Variants in ESRP1 observed in about 807,000 individuals in gnomAD.
The protein encoded by ESRP1 is RNA-binding motif protein 35A.
ESRP1 carries 33 observed loss-of-function variants against 81.7 expected under a neutral mutation model. That is an observed-to-expected ratio of 0.40 (90% CI 0.31 to 0.54). ESRP1 has a LOEUF of 0.54. Among genes scored for constraint, ESRP1 ranks in the 20% least tolerant of loss-of-function variants. ESRP1 has a pLI of 0.41. For missense variants in ESRP1, 672 were observed against 833.1 expected, an observed-to-expected ratio of 0.81 and a Z score of 2.38; for synonymous variants, 320 against 303.3, an observed-to-expected ratio of 1.06 and a Z score of -0.57.
intron 9 of ESRP1, 118 bp from the exon 10 acceptor site, chr8:94,667,831 G>C: frequency 1.3e-6 from 1 of 742,778 alleles, no homozygotes; most frequent in East Asian, 2.8e-5. Flanking sequence ...GCGTTCAGTA[G>C]GAGTATGGGT....
intron 4 of ESRP1, 162 bp downstream of exon 4, chr8:94,646,444 T>C (rs1318125753): frequency 1.9e-6 from 1 of 521,734 alleles, no homozygotes; most frequent in Non-Finnish European, 3.4e-6. Context: ...ATTATAGACA[T>C]CTTTGAAAGT....
At position 94,689,249 on chromosome 8, in the gene ESRP1, C is replaced by CAAAA. The variant is rs56220336; in HGVS notation, c.1821-3406_1821-3403dup. ...CTGGGTGATAGCGAGACTCAGTCTC[C>CAAAA]AAAAAAAAAAAAAAAAAAAAAAAAA... On this transcript the variant is annotated intron_variant, in intron 13 of 15. Coordinates refer to ENST00000433389, the MANE Select transcript of ESRP1 (RefSeq NM_017697.4). 8.9e-4 allele frequency among the ~76,000 whole-genome samples: 88 copies of CAAAA among 98,824 alleles called. 3 individuals are homozygous for CAAAA. Among genetic ancestry groups the CAAAA allele is most frequent in the African/African-American group, 3.5e-3 (79 of 22,776 alleles). The allele number at this position is 98,824 out of a possible 152,430, so 64.8% of individuals were successfully genotyped here. A position where few individuals can be genotyped will look rare whatever the true frequency, so the allele number is the denominator to read the frequency against.
At chr8:94,680,416 G>C (rs568705975) in intron 13 of ESRP1, among the ~76,000 whole-genome samples, 1 of 152,238 alleles carries the variant, frequency 6.6e-6, no homozygotes, top group African/African-American at 2.4e-5. Context: ...TTATAATTTT[G>C]ATAGAAAAAC....
Position 94,662,380 on chromosome 8 carries a change from G to T in ESRP1, c.589+10G>T, listed in dbSNP as rs140398032. ...ATTTCAGAGCCTTATAGTAAGTATT[G>T]CTTTTATAGTAGTGCAGTCCCAGAA... On this transcript the variant is annotated intron_variant, in intron 5 of 15. Coordinates refer to ENST00000433389, the MANE Select transcript of ESRP1 (RefSeq NM_017697.4). 2,326 of 1,555,592 alleles carry T rather than the reference G, an allele frequency of 1.5e-3. 26 individuals are homozygous for T. The African/African-American group carries it at 0.025, about 17-fold the overall frequency.
At chr8:94,704,220 T>A (rs1327212008) in intron 15 of ESRP1, among the ~76,000 whole-genome samples, 1 of 150,292 alleles carries the variant, frequency 6.7e-6, no homozygotes, top group African/African-American at 2.5e-5. Context: ...TCAGTTTCAT[T>A]GTTAAGCAGT....
At position 94,664,749 on chromosome 8, in the gene ESRP1, C is replaced by A; in HGVS notation, c.697C>A (p.Pro233Thr). Residue 233 changes from proline (P) to threonine (T), a missense_variant, in exon 7 of 16, where the codon CCA becomes ACA. By Grantham distance (38) the Pro-to-Thr change is conservative. Coordinates refer to ENST00000433389, the MANE Select transcript of ESRP1 (RefSeq NM_017697.4). ...DNTVVRARGLPWQSSDQDIAR... is the reference protein window; with the variant it reads ...DNTVVRARGLTWQSSDQDIAR... Reference sequence around the variant, plus strand: ...CACCGTAGTCAGGGCACGAGGTTTACCATGGCAGTCTTCAGATCAAGATAT... The same window carrying A: ...CACCGTAGTCAGGGCACGAGGTTTAACATGGCAGTCTTCAGATCAAGATAT... 6.2e-7 allele frequency: 1 copy of A among 1,613,910 alleles called. No individual in the cohort carries two copies. The highest frequency in any genetic ancestry group is 8.5e-7 in the Non-Finnish European group (1 of 1,179,874).
chr8:94,663,304 G>A (rs890798223), intron 6 of ESRP1, among the ~76,000 whole-genome samples: 28 of 151,976 alleles, frequency 1.8e-4, no homozygotes, highest in African/African-American at 6.8e-4. Context: ...GGAATATCGC[G>A]GTGTGATCTC....
chr8:94,675,767 G>C (rs1332250333), intron 12 of ESRP1, among the ~76,000 whole-genome samples: 1 of 152,130 alleles, frequency 6.6e-6, no homozygotes, highest in Non-Finnish European at 1.5e-5. Context: ...GGTCATTACA[G>C]ATTTTTCCTC....
chr8:94,701,396 T>C (rs566921902), intron 15 of ESRP1, among the ~76,000 whole-genome samples: 2 of 152,252 alleles, frequency 1.3e-5, no homozygotes, highest in South Asian at 4.1e-4. Flanking sequence ...TCTCTTGCCT[T>C]GTCCCATCAA....
intron 15 of ESRP1, among the ~76,000 whole-genome samples, chr8:94,705,053 G>T (rs1203499578): frequency 6.6e-6 from 1 of 151,638 alleles, no homozygotes; most frequent in Non-Finnish European, 1.5e-5. Context: ...GGTTGTATGT[G>T]GGGATGAAAT....
intron 3 of ESRP1, 55 bp downstream of exon 3, chr8:94,643,471 GT>G: frequency 8.0e-7 from 1 of 1,249,968 alleles, no homozygotes; most frequent in Non-Finnish European, 1.2e-6. Context: ...GTGACTGGAG[GT>G]TTTTAAAAAT....
chr8:94,662,104 TG>T (rs1227641949), intron 4 of ESRP1, among the ~76,000 whole-genome samples, 167 bp from the exon 5 acceptor site: 4 of 152,246 alleles, frequency 2.6e-5, no homozygotes, highest in Non-Finnish European at 2.9e-5. Context: ...AAAGGGCAGT[TG>T]GAGCCTAAGT....
intron 15 of ESRP1, among the ~76,000 whole-genome samples, chr8:94,699,981 T>C (rs1586266463): frequency 6.6e-6 from 1 of 152,148 alleles, no homozygotes; most frequent in Non-Finnish European, 1.5e-5. Context: ...TAAGTACTTA[T>C]ATCCACAGTT....
intron 4 of ESRP1, among the ~76,000 whole-genome samples, chr8:94,650,737 G>C (rs1818081059): frequency 6.6e-6 from 1 of 151,912 alleles, no homozygotes. Flanking sequence ...TTTTGAGACG[G>C]AGTCTTGCTG....
At chr8:94,664,207 T>C (rs551820694) in intron 6 of ESRP1, among the ~76,000 whole-genome samples, 1 of 140,106 alleles carries the variant, frequency 7.1e-6, no homozygotes, top group African/African-American at 2.7e-5. Context: ...CACTGCAGCC[T>C]CCACCTCCCA....
intron 13 of ESRP1, among the ~76,000 whole-genome samples, chr8:94,689,190 G>GT (rs1189737486): frequency 7.1e-6 from 1 of 141,770 alleles, no homozygotes; most frequent in Non-Finnish European, 1.5e-5. Context: ...GGCAGATGTT[G>GT]TAGTGAGCTG....
Position 94,674,518 on chromosome 8 carries a change from T to C in ESRP1, c.1651+12T>C, listed in dbSNP as rs1378278125. The stretch of plus-strand genomic sequence containing the variant: ...ATGTAAGTTACCATGTAAGTTTTTC[T>C]TGGGTCTTGGCGCTATTCTACGCTA... On this transcript the variant is annotated intron_variant, in intron 12 of 15. Transcript: ENST00000433389. 58 of 1,610,610 alleles carry C rather than the reference T, an allele frequency of 3.6e-5. No homozygotes were observed. The highest frequency in any genetic ancestry group is 4.9e-5 in the Non-Finnish European group (58 of 1,178,352).
intron 4 of ESRP1, among the ~76,000 whole-genome samples, chr8:94,646,917 TAA>T (rs1181730853): frequency 6.6e-6 from 1 of 152,224 alleles, no homozygotes. Context: ...TTACATTCAT[TAA>T]GTCTTTCAAA....
At position 94,641,288 on chromosome 8, in the gene ESRP1, A is replaced by ACCC; in HGVS notation, c.-26_-24dup. 1 of 1,030,376 alleles carries ACCC rather than the reference A, an allele frequency of 9.7e-7. No individual in the cohort carries two copies. 63.8% of individuals were successfully genotyped at this position (1,030,376 alleles called of 1,614,324 possible). The stretch of plus-strand genomic sequence containing the variant: ...TTCCACACCACCTTACCGCCTCCCG[A>ACCC]CCCCCCCTCTCCCCCTCCCCACCTA... On this transcript the variant is annotated 5_prime_UTR_variant, in exon 1 of 16. Coordinates refer to ENST00000433389, the MANE Select transcript of ESRP1 (RefSeq NM_017697.4).
Sources: allele counts gnomAD v4.1 joint callset (sites outside exome capture counted in the v4.1 genomes callset), GRCh38; gene constraint gnomAD v4.1.1; transcripts MANE v1.5; gene names NCBI Gene and HGNC (gene_info 2026-07-23, HGNC 2026-07-21).